Variants in CNTNAP4 observed in about 807,000 individuals in gnomAD.
The protein encoded by CNTNAP4 is contactin associated protein family member 4.
Under a neutral mutation model 148.4 loss-of-function variants are expected in CNTNAP4, and 98 were observed. That is an observed-to-expected ratio of 0.66 (90% CI 0.56 to 0.78). CNTNAP4 has a LOEUF of 0.78. Among genes scored for constraint, CNTNAP4 ranks in the 30% least tolerant of loss-of-function variants. The pLI, the probability that CNTNAP4 is intolerant of heterozygous loss-of-function variation, is 0.00. For synonymous variants in CNTNAP4, 730 were observed against 565.1 expected (o/e 1.29, Z -4.14); for missense variants, 1,935 against 1,565.6 (o/e 1.24, Z -3.98).
chr16:76,389,619 A>AT (rs796767026), intron 3 of CNTNAP4, among the ~76,000 whole-genome samples: 14 of 149,984 alleles, frequency 9.3e-5, no homozygotes, highest in African/African-American at 2.0e-4. Flanking sequence ...AAGCCCAACT[A>AT]TTTTTTTTTC....
At chr16:76,420,141 G>A (rs2144987648) in intron 3 of CNTNAP4, among the ~76,000 whole-genome samples, 1 of 83,524 alleles carries the variant, frequency 1.2e-5, no homozygotes, top group East Asian at 4.1e-4. Context: ...GTTTCACTCT[G>A]AGATGGGTAC....
intron 12 of CNTNAP4, among the ~76,000 whole-genome samples, chr16:76,483,328 A>G (rs2143704488): frequency 6.6e-6 from 1 of 152,064 alleles, no homozygotes; most frequent in South Asian, 2.1e-4. Flanking sequence ...AACCAAGAAC[A>G]CTGGATTGGA....
intron 3 of CNTNAP4, among the ~76,000 whole-genome samples, chr16:76,368,783 G>A (rs1370433972): frequency 1.3e-5 from 2 of 151,940 alleles, no homozygotes; most frequent in African/African-American, 2.4e-5. Flanking sequence ...TAACAAACCT[G>A]CACATCCTGC....
chr16:76,553,114 C>A (rs1213658541), intron 21 of CNTNAP4, among the ~76,000 whole-genome samples, 169 bp from the exon 22 acceptor site: 1 of 152,070 alleles, frequency 6.6e-6, no homozygotes, highest in Non-Finnish European at 1.5e-5. Context: ...GAAATCTTAC[C>A]AATAGTAGTG....
At chr16:76,398,309 A>T (rs549154495) in intron 3 of CNTNAP4, among the ~76,000 whole-genome samples, 1 of 152,032 alleles carries the variant, frequency 6.6e-6, no homozygotes, top group East Asian at 2.0e-4. Context: ...ACACCCTCTC[A>T]GACACACCCA....
chr16:76,327,606 G>C (rs1477486396), intron 2 of CNTNAP4, among the ~76,000 whole-genome samples: 3 of 152,230 alleles, frequency 2.0e-5, no homozygotes, highest in East Asian at 3.9e-4. Flanking sequence ...GGTGTGATAG[G>C]GTCTCATCTA....
chr16:76,334,176 T>TATA (rs56790152), intron 2 of CNTNAP4, among the ~76,000 whole-genome samples: 8,610 of 149,380 alleles, frequency 0.058, 472 homozygotes, highest in African/African-American at 0.15. Context: ...AAACTTAAAG[T>TATA]ATAATAATAA....
chr16:76,516,019 C>A (rs552802894), intron 15 of CNTNAP4, among the ~76,000 whole-genome samples: 2 of 152,288 alleles, frequency 1.3e-5, no homozygotes, highest in South Asian at 4.1e-4. Flanking sequence ...GCGTTGGCTG[C>A]ACCTATCAAC....
At chr16:76,546,888 T>C (rs566531957) in intron 21 of CNTNAP4, among the ~76,000 whole-genome samples, 6 of 152,304 alleles carry the variant, frequency 3.9e-5, no homozygotes, top group African/African-American at 1.4e-4. Context: ...TTAATATTAT[T>C]ACATAAAAAT....
At chr16:76,429,599 T>G (rs1220189970) in intron 4 of CNTNAP4, among the ~76,000 whole-genome samples, 3 of 152,142 alleles carry the variant, frequency 2.0e-5, no homozygotes, top group Non-Finnish European at 4.4e-5. Context: ...AGCAACAGTT[T>G]AGTGGGACTG....
At chr16:76,542,665 A>G (rs2084513097) in intron 21 of CNTNAP4, among the ~76,000 whole-genome samples, 1 of 152,154 alleles carries the variant, frequency 6.6e-6, no homozygotes, top group Non-Finnish European at 1.5e-5. Context: ...TTTGCTGAAC[A>G]TCAGGCTCAC....
chr16:76,398,986 C>G (rs1040377900), intron 3 of CNTNAP4, among the ~76,000 whole-genome samples: 4 of 152,026 alleles, frequency 2.6e-5, no homozygotes, highest in African/African-American at 7.2e-5. Flanking sequence ...TTTCCCCATA[C>G]TGTTCTTGTG....
At chr16:76,407,177 C>T (rs1349650537) in intron 3 of CNTNAP4, among the ~76,000 whole-genome samples, 1 of 152,044 alleles carries the variant, frequency 6.6e-6, no homozygotes, top group African/African-American at 2.4e-5. Context: ...CTGTAAAGCA[C>T]AGGCAGATGA....
chr16:76,341,719 A>G (rs1417594814), intron 2 of CNTNAP4, among the ~76,000 whole-genome samples: 1 of 152,174 alleles, frequency 6.6e-6, no homozygotes, highest in Non-Finnish European at 1.5e-5. Context: ...CTAGAAAAAT[A>G]GATTTAGTCT....
intron 3 of CNTNAP4, among the ~76,000 whole-genome samples, chr16:76,408,701 G>GT (rs2078692111): frequency 1.3e-5 from 2 of 151,990 alleles, no homozygotes; most frequent in African/African-American, 4.8e-5. Flanking sequence ...ATAATCAGTT[G>GT]TTTTTCAAAT....
At chr16:76,453,133 C>T (rs1354330394) in intron 8 of CNTNAP4, among the ~76,000 whole-genome samples, 5 of 152,170 alleles carry the variant, frequency 3.3e-5, no homozygotes, top group African/African-American at 1.2e-4. Flanking sequence ...AAACTAGACT[C>T]TTCCTAACAC....
chr16:76,459,978 A>G (rs779798730), intron 8 of CNTNAP4, among the ~76,000 whole-genome samples: 2 of 152,338 alleles, frequency 1.3e-5, no homozygotes, highest in Non-Finnish European at 2.9e-5. Flanking sequence ...TTTTGATTTT[A>G]GCAACTTTTG....
chr16:76,417,218 A>G (rs1193123040), intron 3 of CNTNAP4, among the ~76,000 whole-genome samples: 1 of 151,420 alleles, frequency 6.6e-6, no homozygotes. Flanking sequence ...TTATTGATAT[A>G]TTTGAATTAA....
At position 76,510,066 on chromosome 16, in the gene CNTNAP4, A is replaced by C. The variant is rs1294702281; in HGVS notation, c.2366-11074A>C. Among the ~76,000 whole-genome samples, 4 of 41,960 alleles carry C rather than the reference A, an allele frequency of 9.5e-5. 1 individual carries two copies. Among genetic ancestry groups the C allele is most frequent in the African/African-American group, 1.4e-4 (4 of 28,144 alleles). The allele number at this position is 41,960 out of a possible 152,430, so 27.5% of individuals were successfully genotyped here. ...TTTAATGTACTATACAGATTTGAGC[A>C]ACCATCACCATAATCATTTTGAGGA... On this transcript the variant is annotated intron_variant, in intron 15 of 23. Coordinates refer to ENST00000611870, the MANE Select transcript of CNTNAP4 (RefSeq NM_033401.5).
Sources: gnomAD v4.1 joint callset for allele counts (sites outside exome capture counted in the v4.1 genomes callset) on GRCh38, gnomAD v4.1.1 for gene constraint, MANE v1.5 for transcripts, NCBI Gene and HGNC (gene_info 2026-07-23, HGNC 2026-07-21) for gene names.